The following ZNF678 variants were observed in gnomAD, a reference collection of about 807,000 sequenced individuals.
ZNF678 encodes the protein zinc finger protein 678.
A neutral mutation model predicts 3.0 loss-of-function variants in ZNF678; 5 were observed. The observed-to-expected ratio is 1.69, with a 90% confidence interval of 0.88 to 3.56. The LOEUF is 3.56. Among genes scored for constraint, ZNF678 ranks in the 30% most tolerant of loss-of-function variants. The probability of loss-of-function intolerance (pLI) is 0.00; values close to 1 mark genes in which losing one functional copy is unlikely to be tolerated. For synonymous variants in ZNF678, 218 were observed against 199.6 expected (o/e 1.09, Z -0.78); for missense variants, 593 against 605.0 (o/e 0.98, Z 0.21).
At chr1:227,643,573 A>C (rs1410947950) in intron 1 of ZNF678, among the ~76,000 whole-genome samples, 2 of 152,126 alleles carry the variant, frequency 1.3e-5, no homozygotes, top group African/African-American at 4.8e-5. Flanking sequence ...TGCCTCCCCA[A>C]AGCTGGTACC....
At chr1:227,624,638 T>C (rs1487748037) in intron 1 of ZNF678, among the ~76,000 whole-genome samples, 3 of 152,204 alleles carry the variant, frequency 2.0e-5, no homozygotes, top group Admixed American at 2.0e-4. Flanking sequence ...GAATGGAACC[T>C]TGGGCCATGC....
chr1:227,662,877 T>G (rs1659439389), downstream of ZNF678, among the ~76,000 whole-genome samples: 1 of 152,220 alleles, frequency 6.6e-6, no homozygotes, highest in African/African-American at 2.4e-5. Flanking sequence ...GATTACTATA[T>G]ATTATGGGCT....
intron 1 of ZNF678, among the ~76,000 whole-genome samples, chr1:227,618,703 A>G (rs1177978562): frequency 6.6e-6 from 1 of 152,186 alleles, no homozygotes; most frequent in Non-Finnish European, 1.5e-5. Context: ...TACAAAGGAA[A>G]GGGTGGTTTT....
Position 227,576,458 on chromosome 1 carries a change from A to C in ZNF678, c.-164+12734A>C, listed in dbSNP as rs535078387. Among the ~76,000 whole-genome samples the C allele has an allele frequency of 7.9e-5, 12 of 152,218 alleles. No individual in the cohort carries two copies. In the South Asian group the frequency reaches 2.1e-3, roughly 26 times the overall value. ...CTGTTCAGGGTTTGAATTTATTCCT[A>C]GTTCAGTCTGGGGAGGGTGTGTGTG... On this transcript the variant is annotated intron_variant, in intron 1 of 3. Coordinates refer to ENST00000343776, the MANE Select transcript of ZNF678 (RefSeq NM_001367909.1).
chr1:227,669,428 A>C (rs1276887930), intron 5 of ZNF678, among the ~76,000 whole-genome samples: 3 of 152,096 alleles, frequency 2.0e-5, no homozygotes, highest in Non-Finnish European at 4.4e-5. Flanking sequence ...CGAGGTCAGG[A>C]GATCAAGACC....
chr1:227,595,800 A>C (rs1657569216), intron 1 of ZNF678, among the ~76,000 whole-genome samples: 1 of 152,198 alleles, frequency 6.6e-6, no homozygotes, highest in Admixed American at 6.5e-5. Flanking sequence ...CAAAAACCAG[A>C]GTGCTGGTAC....
downstream of ZNF678, among the ~76,000 whole-genome samples, chr1:227,678,937 A>G (rs1659724866): frequency 6.6e-6 from 1 of 152,226 alleles, no homozygotes; most frequent in African/African-American, 2.4e-5. Context: ...TAATTGTGGC[A>G]GGAGTCTTAA....
At chr1:227,584,444 G>GA (rs1171368367) in intron 1 of ZNF678, among the ~76,000 whole-genome samples, 6 of 152,010 alleles carry the variant, frequency 3.9e-5, no homozygotes, top group Non-Finnish European at 8.8e-5. Flanking sequence ...TGAGAATTCT[G>GA]AAAAAAACTA....
chr1:227,672,859 G>A (rs1331296856), intron 5 of ZNF678, among the ~76,000 whole-genome samples: 1 of 152,056 alleles, frequency 6.6e-6, no homozygotes, highest in African/African-American at 2.4e-5. Flanking sequence ...CTTGTGCTGG[G>A]GTCCTAATAT....
At chr1:227,672,466 G>T (rs1659617472) in intron 5 of ZNF678, among the ~76,000 whole-genome samples, 1 of 152,088 alleles carries the variant, frequency 6.6e-6, no homozygotes, top group African/African-American at 2.4e-5. Context: ...GAGGGGCAGA[G>T]GGAATAAATT....
At chr1:227,593,639 T>C (rs1199889685) in intron 1 of ZNF678, among the ~76,000 whole-genome samples, 1 of 152,130 alleles carries the variant, frequency 6.6e-6, no homozygotes, top group Non-Finnish European at 1.5e-5. Flanking sequence ...CCACAGGGTA[T>C]AACAAGGCAA....
At chr1:227,649,225 C>G (rs539190976) in intron 2 of ZNF678, among the ~76,000 whole-genome samples, 2 of 152,274 alleles carry the variant, frequency 1.3e-5, no homozygotes, top group South Asian at 4.2e-4. Flanking sequence ...ATACACAGAA[C>G]TGGGATTGCT....
At chr1:227,652,820 A>G (rs1467048597) in intron 3 of ZNF678, among the ~76,000 whole-genome samples, 1 of 152,068 alleles carries the variant, frequency 6.6e-6, no homozygotes, top group East Asian at 1.9e-4. Flanking sequence ...AAACTACAGA[A>G]TTTTATTTTT....
intron 1 of ZNF678, among the ~76,000 whole-genome samples, chr1:227,593,867 C>CGGGGG: frequency 5.9e-5 from 2 of 33,616 alleles, no homozygotes; most frequent in East Asian, 1.3e-3. Context: ...CCCCCCCCCC[C>CGGGGG]TTTTTTTTTT....
chr1:227,600,262 A>G (rs1435978054), intron 1 of ZNF678, among the ~76,000 whole-genome samples: 1 of 152,228 alleles, frequency 6.6e-6, no homozygotes, highest in Non-Finnish European at 1.5e-5. Flanking sequence ...ATAGTGCTGC[A>G]GTGAACATAA....
At chr1:227,648,336 T>G (rs1189802361) in intron 2 of ZNF678, among the ~76,000 whole-genome samples, 1 of 152,212 alleles carries the variant, frequency 6.6e-6, no homozygotes, top group Non-Finnish European at 1.5e-5. Flanking sequence ...ATATATTTAT[T>G]TGTGTGTGTA....
At chr1:227,608,097 A>G (rs148962444) in intron 1 of ZNF678, among the ~76,000 whole-genome samples, 11 of 152,158 alleles carry the variant, frequency 7.2e-5, no homozygotes, top group African/African-American at 2.6e-4. Flanking sequence ...CTCCAAAAGT[A>G]TAAATAATAT....
rs1440994590 is a variant in ZNF678, at chr1:227,578,059, T to C, written c.-164+14335T>C. Among the ~76,000 whole-genome samples, 3 of 152,232 alleles carry C rather than the reference T, an allele frequency of 2.0e-5. No individual in the cohort carries two copies. In the East Asian group the frequency reaches 5.8e-4, roughly 29 times the overall value. On this transcript the variant is annotated intron_variant, in intron 1 of 3. Transcript: ENST00000343776. ...TCTTTTCCTTAAGAATGTCGAATAT[T>C]GGTCCCCAGTCTCTTCCGGCTTTTA...
chr1:227,622,020 A>C (rs1347322313), intron 1 of ZNF678, among the ~76,000 whole-genome samples: 6 of 152,256 alleles, frequency 3.9e-5, no homozygotes, highest in Non-Finnish European at 5.9e-5. Context: ...ATTTTGTTGT[A>C]CATATTTTTA....
Sources: gnomAD v4.1 joint callset for allele counts (sites outside exome capture counted in the v4.1 genomes callset) on GRCh38, gnomAD v4.1.1 for gene constraint, MANE v1.5 for transcripts, NCBI Gene and HGNC (gene_info 2026-07-23, HGNC 2026-07-21) for gene names.